The following FGF12 variants were observed in gnomAD, a reference collection of about 807,000 sequenced individuals.
FGF12 encodes the protein fibroblast growth factor 12B.
A neutral mutation model predicts 23.6 loss-of-function variants in FGF12; 14 were observed. That is an observed-to-expected ratio of 0.59 (90% confidence interval 0.39 to 0.93). The LOEUF is 0.93. Ranked by LOEUF, FGF12 falls within the 40% of genes least tolerant of loss-of-function variation. The probability of loss-of-function intolerance (pLI) is 0.00; values close to 1 mark genes in which losing one functional copy is unlikely to be tolerated. For synonymous variants in FGF12, 62 were observed against 77.3 expected (o/e 0.80, Z 1.04); for missense variants, 175 against 217.8 (o/e 0.80, Z 1.24).
chr3:192,609,647 G>A (rs1262076487), intron 2 of FGF12, among the ~76,000 whole-genome samples: 1 of 152,070 alleles, frequency 6.6e-6, no homozygotes, highest in Non-Finnish European at 1.5e-5. Context: ...GGGGCAAGCT[G>A]CTGGGAGCCA....
chr3:192,418,181 A>C (rs563849535), intron 2 of FGF12, among the ~76,000 whole-genome samples: 90 of 152,270 alleles, frequency 5.9e-4, no homozygotes, highest in African/African-American at 2.0e-3. Context: ...GTCTTATGTT[A>C]ATGTTCCTAT....
chr3:192,663,202 G>A (rs1328143741), intron 2 of FGF12, among the ~76,000 whole-genome samples: 1 of 152,202 alleles, frequency 6.6e-6, no homozygotes, highest in African/African-American at 2.4e-5. Context: ...TTATGTGGTT[G>A]TCAGGCAGTT....
At chr3:192,193,557 C>A in intron 4 of FGF12, among the ~76,000 whole-genome samples, 1 of 152,146 alleles carries the variant, frequency 6.6e-6, no homozygotes, top group East Asian at 1.9e-4. Context: ...ATTCTCTTAC[C>A]AAACATACCT....
intron 4 of FGF12, among the ~76,000 whole-genome samples, chr3:192,321,511 A>C (rs1439189312): frequency 6.6e-6 from 1 of 150,578 alleles, no homozygotes; most frequent in Non-Finnish European, 1.5e-5. Flanking sequence ...AAAAAAAAAA[A>C]CCACACAAAA....
chr3:192,247,707 T>C (rs567172677), intron 4 of FGF12, among the ~76,000 whole-genome samples: 2 of 152,306 alleles, frequency 1.3e-5, no homozygotes, highest in Admixed American at 6.5e-5. Context: ...ATTGAAGACG[T>C]TAAGTCTGGG....
chr3:192,447,713 TATC>T (rs1722396838), intron 2 of FGF12, among the ~76,000 whole-genome samples: 1 of 152,036 alleles, frequency 6.6e-6, no homozygotes, highest in Non-Finnish European at 1.5e-5. Context: ...ACAGTATACT[TATC>T]ATTTTCCCAT....
At chr3:192,257,724 C>A (rs958735330) in intron 4 of FGF12, among the ~76,000 whole-genome samples, 2 of 152,058 alleles carry the variant, frequency 1.3e-5, no homozygotes, top group African/African-American at 4.8e-5. Flanking sequence ...AAACATACTA[C>A]TTTGCCAGAA....
rs572002861 is a variant in FGF12 at position 192,452,776 on chromosome 3, T to C, written c.14-92238A>G. 2.6e-5 allele frequency among the ~76,000 whole-genome samples: 4 copies of C among 152,336 alleles called. No individual in the cohort carries two copies. In the East Asian group the frequency reaches 7.7e-4, roughly 29 times the overall value. On this transcript the variant is annotated intron_variant, in intron 2 of 5. Coordinates refer to ENST00000445105, the MANE Select transcript of FGF12 (RefSeq NM_004113.6). ...CTCCGGTCTTTCAGCTTCCATTTTT[T>C]AGAAGTCTTCTCTTTACCTAATTAT...
chr3:192,496,845 C>G (rs959124028), intron 2 of FGF12, among the ~76,000 whole-genome samples: 2 of 152,180 alleles, frequency 1.3e-5, no homozygotes, highest in Admixed American at 1.3e-4. Flanking sequence ...CCTGAATTTC[C>G]TCTACTTCTC....
At chr3:192,522,164 C>G (rs7613391) in intron 2 of FGF12, among the ~76,000 whole-genome samples, 9,532 of 148,518 alleles carry the variant, frequency 0.064, 981 homozygotes, top group African/African-American at 0.22. Flanking sequence ...CGCCACTGCA[C>G]TCCAGCCTGG....
intron 2 of FGF12, among the ~76,000 whole-genome samples, chr3:192,480,071 T>G (rs1723439153): frequency 6.6e-6 from 1 of 152,070 alleles, no homozygotes; most frequent in Non-Finnish European, 1.5e-5. Flanking sequence ...AGGACATCAG[T>G]GCTCTGGGAA....
intron 4 of FGF12, among the ~76,000 whole-genome samples, chr3:192,213,840 G>A (rs1054132281): frequency 5.9e-5 from 9 of 152,118 alleles, no homozygotes; most frequent in African/African-American, 1.9e-4. Flanking sequence ...TTGGATCTTC[G>A]TGGCCCATTT....
chr3:192,365,958 C>G (rs955242120), intron 2 of FGF12, among the ~76,000 whole-genome samples: 2 of 141,504 alleles, frequency 1.4e-5, no homozygotes, highest in African/African-American at 5.4e-5. Flanking sequence ...CGACACTTTA[C>G]TTCATTAGCT....
At chr3:192,578,439 T>C (rs1713000908) in intron 2 of FGF12, among the ~76,000 whole-genome samples, 1 of 152,190 alleles carries the variant, frequency 6.6e-6, no homozygotes, top group African/African-American at 2.4e-5. Context: ...TCTTAACCCT[T>C]TACTGTCTTT....
intron 3 of FGF12, among the ~76,000 whole-genome samples, chr3:192,343,130 A>T (rs2108711174): frequency 6.6e-6 from 1 of 152,306 alleles, no homozygotes; most frequent in African/African-American, 2.4e-5. Context: ...TAACGAAGAA[A>T]GGTATAAAAG....
chr3:192,644,590 T>C (rs530888278), intron 2 of FGF12, among the ~76,000 whole-genome samples: 1 of 152,312 alleles, frequency 6.6e-6, no homozygotes, highest in East Asian at 1.9e-4. Context: ...TTAAAAATAA[T>C]ATGAATAAGA....
At chr3:192,248,355 C>T (rs1430274529) in intron 4 of FGF12, among the ~76,000 whole-genome samples, 2 of 152,208 alleles carry the variant, frequency 1.3e-5, no homozygotes, top group African/African-American at 4.8e-5. Context: ...CATGCAGCTG[C>T]TTTCACCTAT....
At chr3:192,528,867 A>AG (rs1202870199) in intron 2 of FGF12, among the ~76,000 whole-genome samples, 1 of 152,118 alleles carries the variant, frequency 6.6e-6, no homozygotes, top group African/African-American at 2.4e-5. Flanking sequence ...GCTGGGACAC[A>AG]GGGCACCAAG....
In FGF12 at chr3:192,268,382, T is replaced by C. The variant is rs140126457; in HGVS notation, c.228+66979A>G. Among the ~76,000 whole-genome samples, 40 of 152,340 alleles carry C rather than the reference T, an allele frequency of 2.6e-4. 1 individual carries two copies. In the East Asian group the frequency reaches 7.5e-3, roughly 29 times the overall value. ...AAATGGAATAAGAGGTCATGTGGGA[T>C]AGAGAGCTCTTTTCTTTCATACTAT... On this transcript the variant is annotated intron_variant, in intron 4 of 5. Transcript: ENST00000445105.
Sources: allele counts gnomAD v4.1 joint callset (sites outside exome capture counted in the v4.1 genomes callset), GRCh38; gene constraint gnomAD v4.1.1; transcripts MANE v1.5; gene names NCBI Gene and HGNC (gene_info 2026-07-23, HGNC 2026-07-21).